PXDC1: variants seen among roughly 807,000 people sequenced by gnomAD.
PXDC1 encodes PX domain-containing protein 1.
Under a neutral mutation model 24.4 loss-of-function variants are expected in PXDC1, and 13 were observed. The ratio of observed to expected loss-of-function variants is 0.53; its 90% confidence interval spans 0.35 to 0.85. PXDC1 has a LOEUF of 0.85. Ranked by LOEUF, PXDC1 falls within the 40% of genes least tolerant of loss-of-function variation. The pLI is 0.01. For missense variants in PXDC1, 344 were observed against 309.3 expected, an observed-to-expected ratio of 1.11 and a Z score of -0.84; for synonymous variants, 162 against 124.9, an observed-to-expected ratio of 1.30 and a Z score of -1.98.
At position 3,751,292 on chromosome 6, in the gene PXDC1, C is replaced by A; in HGVS notation, c.240G>T (p.Gln80His). Residue 80 changes from glutamine (Q) to histidine (H), a missense_variant, in exon 1 of 5, where the codon CAG becomes CAT. Coordinates refer to ENST00000380283, the MANE Select transcript of PXDC1 (RefSeq NM_183373.4). Reference protein sequence around the residue: ...AFPEDRSELAQGPLRQGLVAI... With the variant: ...AFPEDRSELAHGPLRQGLVAI... ...GCCCCGCACCTTGCCGCAGCGGCCC[C>A]TGCGCCAGTTCGGACCGGTCCTCGG... is the stretch of plus-strand genomic sequence containing the variant. 6.5e-7 allele frequency: 1 copy of A among 1,528,960 alleles called. No homozygotes were observed. Among genetic ancestry groups the A allele is most frequent in the Non-Finnish European group, 8.8e-7 (1 of 1,142,378 alleles). 94.7% of individuals were successfully genotyped at this position (1,528,960 alleles called of 1,614,324 possible).
At chr6:3,751,169 G>A (rs930563448) in intron 1 of PXDC1, 107 bp downstream of exon 1, 36 of 896,874 alleles carry the variant, frequency 4.0e-5, no homozygotes, top group Admixed American at 7.3e-5. Context: ...GTCCAGGGCG[G>A]GCAGAAAGGA....
At chr6:3,734,799 C>A (rs1760279158) in intron 3 of PXDC1, among the ~76,000 whole-genome samples, 1 of 152,048 alleles carries the variant, frequency 6.6e-6, no homozygotes, top group Non-Finnish European at 1.5e-5. Context: ...AAAAATCAAT[C>A]CTAGGCCGGG....
At chr6:3,751,198 G>A in intron 1 of PXDC1, 78 bp downstream of exon 1, 2 of 1,134,796 alleles carry the variant, frequency 1.8e-6, no homozygotes, top group East Asian at 3.0e-5. Flanking sequence ...AATCTCGGTT[G>A]AAGTCTCTTC....
chr6:3,742,844 T>C (rs1368000181), intron 1 of PXDC1, among the ~76,000 whole-genome samples: 1 of 152,140 alleles, frequency 6.6e-6, no homozygotes, highest in Admixed American at 6.5e-5. Flanking sequence ...GGGGACTGAG[T>C]ATCAACAGGG....
intron 3 of PXDC1, among the ~76,000 whole-genome samples, 168 bp from the exon 4 acceptor site, chr6:3,727,830 G>A (rs921703450): frequency 3.9e-5 from 6 of 152,086 alleles, no homozygotes; most frequent in African/African-American, 1.2e-4. Flanking sequence ...GAGCTCTGCC[G>A]CACAAAGTCA....
At chr6:3,738,936 C>G (rs780019340) in intron 1 of PXDC1, 4 of 1,301,476 alleles carry the variant, frequency 3.1e-6, no homozygotes, top group African/African-American at 1.5e-5. Context: ...GCGTCTCCCC[C>G]ACACTTGTGT....
intron 1 of PXDC1, among the ~76,000 whole-genome samples, chr6:3,747,096 A>G (rs1308737370): frequency 6.6e-6 from 1 of 152,078 alleles, no homozygotes; most frequent in African/African-American, 2.4e-5. Context: ...AGAAAACGCT[A>G]AAATGCCGCC....
chr6:3,737,608 C>T lies in PXDC1; in HGVS notation c.349-412G>A. 2 of 976,988 alleles carry T rather than the reference C, an allele frequency of 2.0e-6. No individual in the cohort carries two copies. Among genetic ancestry groups the T allele is most frequent in the Non-Finnish European group, 1.2e-6 (1 of 822,254 alleles). 60.5% of individuals were successfully genotyped at this position (976,988 alleles called of 1,614,324 possible). A position where few individuals can be genotyped will look rare whatever the true frequency, so the allele number is the denominator to read the frequency against. On this transcript the variant is annotated intron_variant, in intron 2 of 4. Coordinates refer to ENST00000380283, the MANE Select transcript of PXDC1 (RefSeq NM_183373.4). The surrounding 1 kb of genome is among the most constrained non-coding windows in gnomAD (Gnocchi z 5.5). ...TAACCACCACTCACGACGAAGCCCGCAGGCTTACATGGAAAGGGAGTTGAC... is the reference window on the plus strand; with the variant it reads ...TAACCACCACTCACGACGAAGCCCGTAGGCTTACATGGAAAGGGAGTTGAC...
chr6:3,731,890 T>C (rs1760206113), intron 3 of PXDC1, among the ~76,000 whole-genome samples: 1 of 152,174 alleles, frequency 6.6e-6, no homozygotes, highest in Admixed American at 6.5e-5. Context: ...GAGTGGCATA[T>C]GGGGGTGGGG....
At chr6:3,730,502 C>A (rs901451778) in intron 3 of PXDC1, among the ~76,000 whole-genome samples, 1 of 151,534 alleles carries the variant, frequency 6.6e-6, no homozygotes, top group African/African-American at 2.4e-5. Flanking sequence ...GAAATTAGAA[C>A]ACGTCCACAG....
chr6:3,726,858 G>C (rs1044081498), intron 4 of PXDC1, among the ~76,000 whole-genome samples: 4 of 152,238 alleles, frequency 2.6e-5, no homozygotes, highest in Non-Finnish European at 4.4e-5. Context: ...CACAACCCGT[G>C]GTGGGACAGC....
At chr6:3,735,208 C>T (rs995044227) in intron 3 of PXDC1, among the ~76,000 whole-genome samples, 6 of 152,124 alleles carry the variant, frequency 3.9e-5, no homozygotes, top group South Asian at 2.1e-4. Flanking sequence ...TCAAAATATA[C>T]GACAGAGCTA....
chr6:3,725,584 CTGGGCT>C lies in PXDC1; in HGVS notation c.579-1854_579-1849del, dbSNP rs375578098. On this transcript the variant is annotated intron_variant, in intron 4 of 4. Coordinates refer to ENST00000380283, the MANE Select transcript of PXDC1 (RefSeq NM_183373.4). The surrounding 1 kb of genome is among the most constrained non-coding windows in gnomAD (Gnocchi z 4.8). ...GGGCCCTGCTGTGGGCCCGGCGGCA[CTGGGCT>C]CACAGGCTCGGGCCAGACAATCAGC... Among the ~76,000 whole-genome samples the C allele has an allele frequency of 2.0e-3, 311 of 152,362 alleles. 2 individuals are homozygous for C. The highest frequency in any genetic ancestry group is 7.0e-3 in the African/African-American group (293 of 41,586).
chr6:3,750,559 C>T (rs1288819702), intron 1 of PXDC1, among the ~76,000 whole-genome samples: 2 of 152,318 alleles, frequency 1.3e-5, no homozygotes, highest in Non-Finnish European at 2.9e-5. Context: ...AAAGATCGGG[C>T]AGAGCGGTAG....
rs79341208 is a variant in PXDC1 at position 3,744,092 on chromosome 6, C to T, written c.257-5944G>A. Among the ~76,000 whole-genome samples, 4 of 152,356 alleles carry T rather than the reference C, an allele frequency of 2.6e-5. No homozygotes were observed. In the East Asian group the frequency reaches 7.7e-4, roughly 29 times the overall value. ...ACTTACTGAGCTCTGCTCTGCTCTT[C>T]CCGTAATCCTGCCTTCTCTAGGCTT... On this transcript the variant is annotated intron_variant, in intron 1 of 4. Transcript: ENST00000380283.
rs2127600311 is a variant in PXDC1, at chr6:3,737,998, T to C, written c.348+59A>G. The C allele has an allele frequency of 7.2e-7, 1 of 1,386,436 alleles. No individual in the cohort carries two copies. The highest frequency in any genetic ancestry group is 1.0e-6 in the Non-Finnish European group (1 of 978,806). 85.9% of individuals were successfully genotyped at this position (1,386,436 alleles called of 1,614,324 possible). ...TCCGGGGGGATGGACGCCTTTCGCATTTGGGAGGTGCCAGCACCTCCCACC... is the reference window on the plus strand; with the variant it reads ...TCCGGGGGGATGGACGCCTTTCGCACTTGGGAGGTGCCAGCACCTCCCACC... On this transcript the variant is annotated intron_variant, in intron 2 of 4. Transcript: ENST00000380283. This position sits in a 1 kb window ranked among gnomAD's most constrained non-coding sequence, Gnocchi z 5.5.
chr6:3,734,005 C>T (rs1760260421), intron 3 of PXDC1, among the ~76,000 whole-genome samples: 2 of 152,200 alleles, frequency 1.3e-5, no homozygotes, highest in African/African-American at 2.4e-5. Flanking sequence ...ATAAGGAGGC[C>T]AGGACCCCTG....
At chr6:3,741,825 C>T (rs1394497596) in intron 1 of PXDC1, among the ~76,000 whole-genome samples, 3 of 152,184 alleles carry the variant, frequency 2.0e-5, no homozygotes, top group Non-Finnish European at 4.4e-5. Context: ...AAAATGCCAA[C>T]GCTCCCATTT....
At chr6:3,733,963 C>G (rs1188701205) in intron 3 of PXDC1, among the ~76,000 whole-genome samples, 2 of 152,196 alleles carry the variant, frequency 1.3e-5, no homozygotes, top group Non-Finnish European at 2.9e-5. Context: ...AATAATTCAT[C>G]TTGCTGCATC....
Sources: allele counts gnomAD v4.1 joint callset (sites outside exome capture counted in the v4.1 genomes callset), GRCh38; gene constraint gnomAD v4.1.1; non-coding constraint Gnocchi (gnomAD v3.1); transcripts MANE v1.5; gene names NCBI Gene and HGNC (gene_info 2026-07-23, HGNC 2026-07-21).